The following EEFSEC variants were observed in gnomAD, a reference collection of about 807,000 sequenced individuals.
EEFSEC encodes the protein eukaryotic elongation factor, selenocysteine-tRNA specific.
Under a neutral mutation model 42.1 loss-of-function variants are expected in EEFSEC, and 43 were observed. The ratio of observed to expected loss-of-function variants is 1.02; its 90% CI spans 0.80 to 1.32. The LOEUF (loss-of-function observed/expected upper bound fraction) is 1.32. Ranked by LOEUF, EEFSEC falls within the 40% of genes most tolerant of loss-of-function variation. The probability of loss-of-function intolerance (pLI) is 0.00; values close to 1 mark genes in which losing one functional copy is unlikely to be tolerated. For missense variants in EEFSEC, 745 were observed against 803.6 expected (o/e 0.93, Z 0.88); for synonymous variants, 354 against 339.1 (o/e 1.04, Z -0.48).
At chr3:128,385,535 G>A (rs548074189) in intron 6 of EEFSEC, among the ~76,000 whole-genome samples, 1 of 152,326 alleles carries the variant, frequency 6.6e-6, no homozygotes, top group African/African-American at 2.4e-5. Flanking sequence ...TGGCTTGCAG[G>A]GTGTCCTCCC....
intron 4 of EEFSEC, among the ~76,000 whole-genome samples, chr3:128,312,616 T>C (rs983040351): frequency 2.0e-5 from 3 of 152,216 alleles, no homozygotes; most frequent in African/African-American, 7.2e-5. Flanking sequence ...TGAGAAACAG[T>C]TGAGAGATGG....
chr3:128,363,232 G>A (rs936762230), intron 6 of EEFSEC, among the ~76,000 whole-genome samples: 6 of 152,204 alleles, frequency 3.9e-5, no homozygotes, highest in Admixed American at 2.0e-4. Flanking sequence ...ATTTCAAACC[G>A]CTCTGCTGCA....
intron 6 of EEFSEC, among the ~76,000 whole-genome samples, chr3:128,397,673 G>A (rs2067997365): frequency 6.6e-6 from 1 of 152,282 alleles, no homozygotes; most frequent in African/African-American, 2.4e-5. Flanking sequence ...CAGATGCACA[G>A]GCTCACCTTC....
At chr3:128,238,555 C>G (rs559673065) in intron 1 of EEFSEC, among the ~76,000 whole-genome samples, 1 of 152,256 alleles carries the variant, frequency 6.6e-6, no homozygotes, top group African/African-American at 2.4e-5. Flanking sequence ...TCGCCCAGGC[C>G]AGAGTGCAGT....
At chr3:128,229,628 C>A (rs1275790658) in intron 1 of EEFSEC, among the ~76,000 whole-genome samples, 1 of 152,258 alleles carries the variant, frequency 6.6e-6, no homozygotes, top group African/African-American at 2.4e-5. Context: ...CCAGAGTTCT[C>A]ACACTAGGGA....
chr3:128,242,945 G>C (rs2066087377), intron 1 of EEFSEC, among the ~76,000 whole-genome samples: 1 of 152,206 alleles, frequency 6.6e-6, no homozygotes, highest in African/African-American at 2.4e-5. Context: ...GAATTGGGAA[G>C]GACACTGTTT....
chr3:128,326,657 C>G (rs548850330), intron 4 of EEFSEC, among the ~76,000 whole-genome samples: 23 of 152,350 alleles, frequency 1.5e-4, no homozygotes, highest in African/African-American at 5.3e-4. Context: ...GCTGGCCTCC[C>G]CCAGAGTCTG....
At chr3:128,331,707 A>T (rs2067135590) in intron 4 of EEFSEC, among the ~76,000 whole-genome samples, 1 of 152,040 alleles carries the variant, frequency 6.6e-6, no homozygotes, top group Non-Finnish European at 1.5e-5. Flanking sequence ...TCTAGGAGAG[A>T]CTTTTTCCTG....
At chr3:128,245,742 G>C (rs1037941729) in intron 1 of EEFSEC, among the ~76,000 whole-genome samples, 7 of 152,166 alleles carry the variant, frequency 4.6e-5, no homozygotes, top group Non-Finnish European at 1.0e-4. Context: ...ACCCATGTCT[G>C]TGAGTCTCCG....
At chr3:128,298,828 C>T (rs1224501635) in intron 4 of EEFSEC, among the ~76,000 whole-genome samples, 1 of 152,232 alleles carries the variant, frequency 6.6e-6, no homozygotes, top group Non-Finnish European at 1.5e-5. Flanking sequence ...TATTTGTCTT[C>T]TGGTGCTTGG....
chr3:128,409,207 T>C (rs1447585831), downstream of EEFSEC, among the ~76,000 whole-genome samples: 1 of 152,202 alleles, frequency 6.6e-6, no homozygotes, highest in African/African-American at 2.4e-5. Flanking sequence ...TGAACAGATG[T>C]TCAAACGTTC....
intron 1 of EEFSEC, among the ~76,000 whole-genome samples, chr3:128,156,838 A>G (rs1251617804): frequency 2.0e-5 from 3 of 152,200 alleles, no homozygotes; most frequent in East Asian, 1.9e-4. Context: ...AGACACAACA[A>G]TATTAAAATT....
intron 4 of EEFSEC, among the ~76,000 whole-genome samples, chr3:128,273,327 G>T (rs2811532): frequency 0.84 from 127,542 of 152,180 alleles, 53,945 homozygotes; most frequent in East Asian, 0.99. Context: ...AAGGACAGTC[G>T]CCAGGCAAAG....
chr3:128,204,782 G>A (rs571796362), intron 1 of EEFSEC, among the ~76,000 whole-genome samples: 3 of 152,096 alleles, frequency 2.0e-5, no homozygotes, highest in Non-Finnish European at 2.9e-5. Flanking sequence ...AGACCCTCCC[G>A]AGCTCAGTGA....
intron 6 of EEFSEC, among the ~76,000 whole-genome samples, chr3:128,373,692 G>C (rs1000385617): frequency 2.0e-5 from 3 of 152,208 alleles, no homozygotes; most frequent in African/African-American, 7.2e-5. Flanking sequence ...ATACAGGCTA[G>C]TGCCTATACC....
At chr3:128,374,089 A>G (rs932503517) in intron 6 of EEFSEC, among the ~76,000 whole-genome samples, 3 of 152,132 alleles carry the variant, frequency 2.0e-5, no homozygotes, top group Admixed American at 2.0e-4. Flanking sequence ...GGCAGTGCTG[A>G]TGTCTATCAT....
Position 128,209,968 on chromosome 3 carries a change from G to T in EEFSEC, c.317-36868G>T, listed in dbSNP as rs1345079768. On this transcript the variant is annotated intron_variant, in intron 1 of 6. Coordinates refer to ENST00000254730, the MANE Select transcript of EEFSEC (RefSeq NM_021937.5). ...TCCCACTTTGGGAAACTTTGCTCTG[G>T]GCAGTGGGGAACCACTGAAGGCTTG... Among the ~76,000 whole-genome samples the T allele has an allele frequency of 2.0e-5, 3 of 152,178 alleles. No individual in the cohort carries two copies. In the East Asian group the frequency reaches 5.8e-4, roughly 29 times the overall value.
chr3:128,425,750 GA>G, the EEFSEC span, among the ~76,000 whole-genome samples: 1 of 152,214 alleles, frequency 6.6e-6, no homozygotes, highest in Non-Finnish European at 1.5e-5. Flanking sequence ...CAGCAGGCAA[GA>G]AACCAGGCAG....
intron 5 of EEFSEC, among the ~76,000 whole-genome samples, chr3:128,350,388 C>G (rs1271011212): frequency 6.6e-6 from 1 of 152,242 alleles, no homozygotes; most frequent in Non-Finnish European, 1.5e-5. Flanking sequence ...TAGCTGGCCA[C>G]TGAGCCTGTT....
Sources: allele counts gnomAD v4.1 joint callset (sites outside exome capture counted in the v4.1 genomes callset), GRCh38; gene constraint gnomAD v4.1.1; transcripts MANE v1.5; gene names NCBI Gene and HGNC (gene_info 2026-07-23, HGNC 2026-07-21).